The following ANKRD17 variants were observed in gnomAD, a reference collection of about 807,000 sequenced individuals.
ANKRD17 encodes the protein ankyrin repeat domain-containing protein 17.
A neutral mutation model predicts 229.7 loss-of-function variants in ANKRD17; 19 were observed. The ratio of observed to expected loss-of-function variants is 0.08; its 90% CI spans 0.06 to 0.12. The LOEUF (loss-of-function observed/expected upper bound fraction) is 0.12, where lower values mean the gene tolerates loss of function less well. Among genes scored for constraint, ANKRD17 ranks in the 10% least tolerant of loss-of-function variants. The pLI is 1.00. For missense variants in ANKRD17, 2,176 were observed against 3,176.8 expected (o/e 0.68, Z 7.57); for synonymous variants, 1,112 against 1,146.1 (o/e 0.97, Z 0.60).
chr4:73,231,148 A>C (rs1743004312), intron 1 of ANKRD17, among the ~76,000 whole-genome samples: 1 of 152,172 alleles, frequency 6.6e-6, no homozygotes, highest in Non-Finnish European at 1.5e-5. Context: ...CCACACACAC[A>C]CAGACACAAA....
chr4:73,113,718 G>A lies in ANKRD17; in HGVS notation c.4401+74C>T, dbSNP rs577838927. On this transcript the variant is annotated intron_variant, in intron 24 of 33. Coordinates refer to ENST00000358602, the MANE Select transcript of ANKRD17 (RefSeq NM_032217.5). Reference sequence around the variant, plus strand: ...AGCAAACAAAACAAAACAAAAAGACGGATTACAAATCAAAAGAAGAGAAAA... The same window carrying A: ...AGCAAACAAAACAAAACAAAAAGACAGATTACAAATCAAAAGAAGAGAAAA... 6.3e-4 allele frequency: 710 copies of A among 1,128,150 alleles called. 15 individuals are homozygous for A. The South Asian group carries it at 8.7e-3, about 14-fold the overall frequency. The allele number at this position is 1,128,150 out of a possible 1,614,324, so 69.9% of individuals were successfully genotyped here. A position where few individuals can be genotyped will look rare whatever the true frequency, so the allele number is the denominator to read the frequency against.
At position 73,121,346 on chromosome 4, in the gene ANKRD17, C is replaced by G. The variant is rs142054757; in HGVS notation, c.3636-252G>C. ...GTGATTAATAAGTTATTAGGATAAA[C>G]TTTCAATCTTAAAGCATGTATTAGC... On this transcript the variant is annotated intron_variant, in intron 19 of 33. Coordinates refer to ENST00000358602, the MANE Select transcript of ANKRD17 (RefSeq NM_032217.5). Among the ~76,000 whole-genome samples, 213 of 152,186 alleles carry G rather than the reference C, an allele frequency of 1.4e-3. 4 individuals are homozygous for G. Among genetic ancestry groups the G allele is most frequent in the Admixed American group, 1.1e-3 (17 of 15,264 alleles).
chr4:73,136,654 G>A (rs1350491864), intron 15 of ANKRD17, among the ~76,000 whole-genome samples: 1 of 152,042 alleles, frequency 6.6e-6, no homozygotes, highest in Non-Finnish European at 1.5e-5. Flanking sequence ...TCTGGATATT[G>A]TTACTCCATA....
chr4:73,203,181 A>T (rs1318537521), intron 1 of ANKRD17, among the ~76,000 whole-genome samples: 1 of 152,146 alleles, frequency 6.6e-6, no homozygotes, highest in Non-Finnish European at 1.5e-5. Context: ...GGGAGTTTCT[A>T]TGTTTGTTTA....
At chr4:73,216,928 T>A (rs1239235407) in intron 1 of ANKRD17, among the ~76,000 whole-genome samples, 1 of 152,158 alleles carries the variant, frequency 6.6e-6, no homozygotes, top group East Asian at 1.9e-4. Flanking sequence ...TTTGGCAAAT[T>A]TGGAAGATAT....
Position 73,098,343 on chromosome 4 carries a change from A to G in ANKRD17, c.4751T>C (p.Ile1584Thr), listed in dbSNP as rs762604521. ...NKITPENVQI[I>T]FDDPLPISYS... is the part of the protein sequence containing the mutation. ...TGAAATTGGTAGTGGATCATCAAAT[A>G]TAATTTGAACGTTTTCTGGAGTAAT... is the stretch of plus-strand genomic sequence containing the variant. Residue 1584 changes from isoleucine (I) to threonine (T), a missense_variant, in exon 26 of 34, where the codon ATA becomes ACA. Ile to Thr is a moderately conservative substitution (Grantham distance 89). Around this residue, in one of 18 missense-constraint regions of ANKRD17, gnomAD observed 105 missense variants for 118.3 expected, o/e 0.89. Coordinates refer to ENST00000358602, the MANE Select transcript of ANKRD17 (RefSeq NM_032217.5). 1.2e-6 allele frequency: 2 copies of G among 1,614,194 alleles called. No homozygotes were observed. The highest frequency in any genetic ancestry group is 2.2e-5 in the East Asian group (1 of 44,884).
chr4:73,160,438 T>G (rs1375764420), intron 3 of ANKRD17, among the ~76,000 whole-genome samples: 3 of 152,074 alleles, frequency 2.0e-5, no homozygotes, highest in Non-Finnish European at 4.4e-5. Flanking sequence ...AGGCTGGTCT[T>G]GAACTCCTGA....
At chr4:73,093,751 C>T (rs566339066) in intron 28 of ANKRD17, among the ~76,000 whole-genome samples, 69 of 152,246 alleles carry the variant, frequency 4.5e-4, no homozygotes, top group Non-Finnish European at 6.8e-4. Context: ...AAACCCACTG[C>T]TTAAAATGTT....
Position 73,098,229 on chromosome 4 carries a change from C to T in ANKRD17, c.4865G>A (p.Cys1622Tyr). Residue 1622 changes from cysteine to tyrosine, a missense_variant, in exon 26 of 34, where the codon TGC (cysteine) becomes TAC (tyrosine). Coordinates refer to ENST00000358602, the MANE Select transcript of ANKRD17 (RefSeq NM_032217.5). ...GTTGCTGTTACTACTTTCATCGCTG[C>T]AGCTGGAAATCCTCATGTTATCACT... is the stretch of plus-strand genomic sequence containing the variant. ...GDSDNMRISS[C>Y]SDESSNSNSS... 1 of 1,614,210 alleles carries T rather than the reference C, an allele frequency of 6.2e-7. No individual in the cohort carries two copies. Among genetic ancestry groups the T allele is most frequent in the Non-Finnish European group, 8.5e-7 (1 of 1,180,046 alleles).
chr4:73,091,362 TTTG>T lies in ANKRD17; in HGVS notation c.6263_6265del (p.Thr2088del). 6.2e-7 allele frequency: 1 copy of T among 1,614,094 alleles called. No individual in the cohort carries two copies. The highest frequency in any genetic ancestry group is 8.5e-7 in the Non-Finnish European group (1 of 1,180,022). ...ACTGCTGCTGTTTGGAGGTCTAGTG[TTTG>T]TTGTTTCTACTACTGGTGGACTACC... is the stretch of plus-strand genomic sequence containing the variant. On this transcript the variant is annotated inframe_deletion, in exon 29 of 34. Coordinates refer to ENST00000358602, the MANE Select transcript of ANKRD17 (RefSeq NM_032217.5).
chr4:73,156,540 G>A (rs1731684039), intron 3 of ANKRD17, among the ~76,000 whole-genome samples: 1 of 152,144 alleles, frequency 6.6e-6, no homozygotes, highest in African/African-American at 2.4e-5. Flanking sequence ...TAGATCATGG[G>A]GGTGGATTTC....
chr4:73,140,557 T>C (rs918434067), intron 14 of ANKRD17, among the ~76,000 whole-genome samples: 4 of 152,222 alleles, frequency 2.6e-5, no homozygotes, highest in African/African-American at 4.8e-5. Context: ...AGGTTTGTGA[T>C]ATCTAAGTGT....
chr4:73,154,479 CTTTTT>C (rs1243326439), intron 5 of ANKRD17, among the ~76,000 whole-genome samples: 1 of 151,706 alleles, frequency 6.6e-6, no homozygotes, highest in African/African-American at 2.4e-5. Flanking sequence ...GCTTCACAAG[CTTTTT>C]TTTAATTTTA....
At chr4:73,174,446 A>C (rs1043861936) in intron 2 of ANKRD17, among the ~76,000 whole-genome samples, 9 of 152,234 alleles carry the variant, frequency 5.9e-5, no homozygotes, top group Non-Finnish European at 1.3e-4. Flanking sequence ...AGGTAATAAA[A>C]GCCATCTATG....
chr4:73,100,710 G>T, intron 25 of ANKRD17: 1 of 391,994 alleles, frequency 2.6e-6, no homozygotes, highest in Non-Finnish European at 3.5e-6. Context: ...CAACCCATGT[G>T]TGCCAAAATG....
intron 14 of ANKRD17, among the ~76,000 whole-genome samples, chr4:73,140,629 ACT>A (rs1248195736): frequency 3.9e-5 from 6 of 152,140 alleles, no homozygotes; most frequent in African/African-American, 1.4e-4. Context: ...AGATGTTAAA[ACT>A]CATCATAAGA....
chr4:73,175,615 C>A lies in ANKRD17; in HGVS notation c.547+1765G>T, dbSNP rs74926321. On this transcript the variant is annotated intron_variant, in intron 2 of 33. Coordinates refer to ENST00000358602, the MANE Select transcript of ANKRD17 (RefSeq NM_032217.5). ...TGTCACATAAAAGTACACATATAGA[C>A]CACTAGAATACAATAGAAAACCCAG... Among the ~76,000 whole-genome samples, 225 of 152,218 alleles carry A rather than the reference C, an allele frequency of 1.5e-3. 1 individual carries two copies. Among genetic ancestry groups the A allele is most frequent in the African/African-American group, 5.2e-3 (215 of 41,536 alleles).
intron 1 of ANKRD17, among the ~76,000 whole-genome samples, chr4:73,225,086 G>A (rs1395358133): frequency 1.3e-5 from 2 of 152,208 alleles, no homozygotes; most frequent in African/African-American, 2.4e-5. Flanking sequence ...GCTGCTCAAA[G>A]TAATTTACAT....
intron 1 of ANKRD17, among the ~76,000 whole-genome samples, chr4:73,212,109 A>G (rs1740351165): frequency 6.6e-6 from 1 of 152,116 alleles, no homozygotes; most frequent in Non-Finnish European, 1.5e-5. Context: ...AGGAGAGTCT[A>G]AACACACTCC....
Sources: allele counts gnomAD v4.1 joint callset (sites outside exome capture counted in the v4.1 genomes callset), GRCh38; gene constraint gnomAD v4.1.1; regional missense constraint gnomAD v4.1.1; transcripts MANE v1.5; gene names NCBI Gene and HGNC (gene_info 2026-07-23, HGNC 2026-07-21).